ELP4: variants seen among roughly 807,000 people sequenced by gnomAD.
The protein encoded by ELP4 is elongator acetyltransferase complex subunit 4, also known as elongator complex protein 4.
In ELP4, 51 loss-of-function variants were observed where a neutral mutation model predicts 48.9. The observed-to-expected ratio is 1.04, with a 90% CI of 0.83 to 1.32. ELP4 has a LOEUF of 1.32. Among genes scored for constraint, ELP4 ranks in the 40% most tolerant of loss-of-function variants. The probability of loss-of-function intolerance (pLI) is 0.00; values close to 1 mark genes in which losing one functional copy is unlikely to be tolerated. For synonymous variants in ELP4, 210 were observed against 189.2 expected, an observed-to-expected ratio of 1.11 and a Z score of -0.90; for missense variants, 519 against 514.6, an observed-to-expected ratio of 1.01 and a Z score of -0.08.
intron 9 of ELP4, among the ~76,000 whole-genome samples, chr11:31,683,997 T>G (rs1298458921): frequency 6.6e-6 from 1 of 152,166 alleles, no homozygotes; most frequent in Admixed American, 6.6e-5. Flanking sequence ...TGCATGAGGC[T>G]AGGGTATTCT....
At chr11:31,658,277 A>G (rs1344396437) in intron 9 of ELP4, among the ~76,000 whole-genome samples, 2 of 151,916 alleles carry the variant, frequency 1.3e-5, no homozygotes, top group African/African-American at 2.4e-5. Context: ...GTTCCCCAGC[A>G]TGCATTTCTA....
At chr11:31,568,103 TA>T (rs1406480812) in intron 3 of ELP4, among the ~76,000 whole-genome samples, 2 of 152,152 alleles carry the variant, frequency 1.3e-5, no homozygotes, top group Non-Finnish European at 2.9e-5. Context: ...ATGACTTCAG[TA>T]AAGTTTCAAG....
chr11:31,714,955 A>T, intron 9 of ELP4: 1 of 396,510 alleles, frequency 2.5e-6, no homozygotes, highest in Non-Finnish European at 4.4e-6. Flanking sequence ...TTGCCATGTA[A>T]GGTAACACAT....
chr11:31,536,240 G>A (rs989946496), intron 2 of ELP4, among the ~76,000 whole-genome samples: 4 of 151,720 alleles, frequency 2.6e-5, no homozygotes, highest in African/African-American at 9.7e-5. Flanking sequence ...ATAAATCTAT[G>A]CAGACATATA....
intron 3 of ELP4, among the ~76,000 whole-genome samples, chr11:31,543,581 C>T (rs752676253): frequency 3.3e-5 from 5 of 152,000 alleles, no homozygotes; most frequent in Non-Finnish European, 5.9e-5. Flanking sequence ...GGCCTCCCAA[C>T]GTGCTGGGCA....
intron 2 of ELP4, among the ~76,000 whole-genome samples, chr11:31,523,767 G>C (rs1039714780): frequency 2.0e-5 from 3 of 152,068 alleles, no homozygotes; most frequent in Non-Finnish European, 4.4e-5. Context: ...TAAAATCAAA[G>C]ATAGATTTTT....
intron 3 of ELP4, among the ~76,000 whole-genome samples, chr11:31,568,667 A>G (rs893989725): frequency 6.6e-6 from 1 of 152,190 alleles, no homozygotes; most frequent in Non-Finnish European, 1.5e-5. Context: ...AGACAAAAGT[A>G]AGCAATGAGG....
intron 2 of ELP4, among the ~76,000 whole-genome samples, chr11:31,538,500 C>T (rs1490853283): frequency 1.3e-5 from 2 of 149,790 alleles, no homozygotes; most frequent in Non-Finnish European, 1.5e-5. Context: ...ACCTTCCATA[C>T]GATATTGATT....
intron 2 of ELP4, among the ~76,000 whole-genome samples, chr11:31,521,816 T>C: frequency 6.6e-6 from 1 of 152,290 alleles, no homozygotes; most frequent in Middle Eastern, 3.4e-3. Context: ...TATATAGTTG[T>C]AGCATATTGC....
chr11:31,751,981 G>A (rs1034300268), intron 9 of ELP4, among the ~76,000 whole-genome samples: 3 of 152,074 alleles, frequency 2.0e-5, no homozygotes, highest in African/African-American at 7.2e-5. Context: ...TGTAAAAGCT[G>A]TGTAAGAAAA....
chr11:31,713,114 A>G (rs1281824510), intron 9 of ELP4, among the ~76,000 whole-genome samples: 2 of 152,144 alleles, frequency 1.3e-5, no homozygotes, highest in East Asian at 1.9e-4. Context: ...CTTGTGCCTC[A>G]ATTACTTCTG....
intron 9 of ELP4, among the ~76,000 whole-genome samples, chr11:31,765,331 G>A (rs1051821379): frequency 6.6e-6 from 1 of 152,088 alleles, no homozygotes; most frequent in African/African-American, 2.4e-5. Flanking sequence ...CAATATCATC[G>A]TGAATGTTAG....
intron 4 of ELP4, among the ~76,000 whole-genome samples, chr11:31,601,922 G>T (rs763554636): frequency 6.6e-5 from 10 of 152,010 alleles, no homozygotes; most frequent in Admixed American, 2.0e-4. Flanking sequence ...TCTCCACCCA[G>T]TTTGTAGGCA....
chr11:31,684,715 T>A (rs1035017870), intron 9 of ELP4, among the ~76,000 whole-genome samples: 1 of 152,102 alleles, frequency 6.6e-6, no homozygotes, highest in African/African-American at 2.4e-5. Flanking sequence ...TAGTACTCAG[T>A]CAAAACTGGT....
At chr11:31,665,176 C>G (rs938787455) in intron 9 of ELP4, among the ~76,000 whole-genome samples, 1 of 152,142 alleles carries the variant, frequency 6.6e-6, no homozygotes, top group African/African-American at 2.4e-5. Flanking sequence ...CCAAACCACC[C>G]TATGACTGAA....
At chr11:31,724,509 T>C (rs1329390940) in intron 9 of ELP4, among the ~76,000 whole-genome samples, 1 of 152,254 alleles carries the variant, frequency 6.6e-6, no homozygotes. Context: ...ATAAGCCGTG[T>C]AATTCCTTGA....
chr11:31,595,246 T>A (rs1166042378), intron 4 of ELP4, among the ~76,000 whole-genome samples: 2 of 152,168 alleles, frequency 1.3e-5, no homozygotes, highest in Non-Finnish European at 2.9e-5. Context: ...ATTTTTATCC[T>A]TATACATTTT....
chr11:31,653,391 C>T (rs534464176), intron 9 of ELP4: 1 of 151,808 alleles, frequency 6.6e-6, no homozygotes, highest in East Asian at 1.9e-4. Context: ...CTACTTATTC[C>T]TTGATCTTAA....
Position 31,510,126 on chromosome 11 carries a change from A to T in ELP4, c.223+119A>T, listed in dbSNP as rs1955957937. 16 of 899,948 alleles carry T rather than the reference A, an allele frequency of 1.8e-5. No homozygotes were observed. The South Asian group carries it at 2.5e-4, about 14-fold the overall frequency. The allele number at this position is 899,948 out of a possible 1,614,324, so 55.7% of individuals were successfully genotyped here. On this transcript the variant is annotated intron_variant, in intron 1 of 9. Transcript: ENST00000640961. ...CCCCTAAACCTTCGGAGGAGGAGAGAATAGCCTGGTCTGATTGAGATGGAG... is the reference window on the plus strand; with the variant it reads ...CCCCTAAACCTTCGGAGGAGGAGAGTATAGCCTGGTCTGATTGAGATGGAG...
Sources: allele counts gnomAD v4.1 joint callset (sites outside exome capture counted in the v4.1 genomes callset), GRCh38; gene constraint gnomAD v4.1.1; transcripts MANE v1.5; gene names NCBI Gene and HGNC (gene_info 2026-07-23, HGNC 2026-07-21).